Variants in SATB2 observed in about 807,000 individuals in gnomAD.
SATB2 encodes SATB homeobox 2, also known as DNA-binding protein SATB2.
SATB2 carries 1 observed loss-of-function variant against 73.4 expected under a neutral mutation model. The observed-to-expected ratio is 0.01, with a 90% CI of 0.00 to 0.06. The LOEUF is 0.06. Ranked by LOEUF, SATB2 falls within the 10% of genes least tolerant of loss-of-function variation. The pLI is 1.00. For synonymous variants in SATB2, 397 were observed against 367.0 expected, an observed-to-expected ratio of 1.08 and a Z score of -0.93; for missense variants, 459 against 945.8, an observed-to-expected ratio of 0.49 and a Z score of 6.75.
intron 2 of SATB2, among the ~76,000 whole-genome samples, chr2:199,449,284 C>T (rs1256342951): frequency 1.3e-5 from 2 of 152,208 alleles, no homozygotes; most frequent in African/African-American, 4.8e-5. Flanking sequence ...TTTAATTGAG[C>T]AGCAAAGATA....
chr2:199,382,415 G>A (rs1165847150), intron 3 of SATB2, among the ~76,000 whole-genome samples: 2 of 152,156 alleles, frequency 1.3e-5, no homozygotes, highest in South Asian at 4.1e-4. Flanking sequence ...AAATAGCAAA[G>A]ATGCCCTCAA....
At chr2:199,440,254 T>G (rs1446846162) in intron 2 of SATB2, among the ~76,000 whole-genome samples, 1 of 152,206 alleles carries the variant, frequency 6.6e-6, no homozygotes, top group Non-Finnish European at 1.5e-5. Flanking sequence ...TAATCTCCTC[T>G]TTGTGGCCCT....
chr2:199,356,240 A>AG, intron 6 of SATB2, among the ~76,000 whole-genome samples: 1 of 151,244 alleles, frequency 6.6e-6, no homozygotes, highest in East Asian at 1.9e-4. Context: ...AAAAAAAAAA[A>AG]AAAAAAAGAA....
chr2:199,352,206 A>G (rs2105827857), intron 6 of SATB2, among the ~76,000 whole-genome samples: 1 of 152,304 alleles, frequency 6.6e-6, no homozygotes, highest in South Asian at 2.1e-4. Flanking sequence ...AAAACATAGA[A>G]CCATCCTCCT....
intron 10 of SATB2, among the ~76,000 whole-genome samples, chr2:199,297,993 T>C (rs1328845881): frequency 3.9e-5 from 6 of 152,126 alleles, no homozygotes; most frequent in Non-Finnish European, 7.4e-5. Context: ...TCTAAATCTG[T>C]CTTAAAACAA....
intron 6 of SATB2, among the ~76,000 whole-genome samples, chr2:199,357,586 G>A (rs1689023333): frequency 6.6e-6 from 1 of 152,012 alleles, no homozygotes; most frequent in Non-Finnish European, 1.5e-5. Flanking sequence ...GATTTAAAGT[G>A]CATTTCTATT....
At chr2:199,454,553 G>A (rs1692219510) in intron 2 of SATB2, among the ~76,000 whole-genome samples, 1 of 152,008 alleles carries the variant, frequency 6.6e-6, no homozygotes, top group African/African-American at 2.4e-5. Context: ...CTTCAATAAA[G>A]TATATTTTCA....
rs1257511934 is a variant in SATB2, at chr2:199,412,731, A to C, written c.346+20607T>G. ...GAGAAGGAAATCAGGTAAAAAAAAA[A>C]CAAAAAACAAAAAACAAACAAACAA... On this transcript the variant is annotated intron_variant, in intron 3 of 10. Coordinates refer to ENST00000417098, the MANE Select transcript of SATB2 (RefSeq NM_001172509.2). Among the ~76,000 whole-genome samples, 4 of 151,362 alleles carry C rather than the reference A, an allele frequency of 2.6e-5. No individual in the cohort carries two copies. The East Asian group carries it at 5.8e-4, about 22-fold the overall frequency.
intron 3 of SATB2, among the ~76,000 whole-genome samples, chr2:199,401,677 C>A (rs1284199465): frequency 6.6e-6 from 1 of 151,894 alleles, no homozygotes; most frequent in Non-Finnish European, 1.5e-5. Context: ...AAAGAGGGTG[C>A]TAGGCAGAAA....
At chr2:199,292,941 T>C (rs1291657473) in intron 10 of SATB2, among the ~76,000 whole-genome samples, 4 of 152,214 alleles carry the variant, frequency 2.6e-5, no homozygotes, top group South Asian at 4.1e-4. Flanking sequence ...GCAGTACATC[T>C]AGATGATGGT....
chr2:199,282,045 C>T (rs1692519724), intron 10 of SATB2, among the ~76,000 whole-genome samples: 1 of 152,040 alleles, frequency 6.6e-6, no homozygotes, highest in Non-Finnish European at 1.5e-5. Flanking sequence ...CCACACCCAG[C>T]TAATTTTTTG....
chr2:199,363,291 G>A (rs1689190859), intron 6 of SATB2, among the ~76,000 whole-genome samples: 2 of 152,314 alleles, frequency 1.3e-5, no homozygotes, highest in South Asian at 4.1e-4. Context: ...TGAGATAAAA[G>A]GTGGCTGACA....
intron 6 of SATB2, among the ~76,000 whole-genome samples, chr2:199,352,657 C>T (rs1688853570): frequency 6.6e-6 from 1 of 152,148 alleles, no homozygotes; most frequent in Non-Finnish European, 1.5e-5. Flanking sequence ...CCTACCTGTT[C>T]AGGTAGATAA....
chr2:199,404,600 G>A (rs1014039048), intron 3 of SATB2, among the ~76,000 whole-genome samples: 1 of 152,014 alleles, frequency 6.6e-6, no homozygotes, highest in African/African-American at 2.4e-5. Flanking sequence ...TGAACCCTAT[G>A]AGTATTGCTT....
At chr2:199,344,248 C>A (rs991181155) in intron 7 of SATB2, among the ~76,000 whole-genome samples, 1 of 152,076 alleles carries the variant, frequency 6.6e-6, no homozygotes, top group African/African-American at 2.4e-5. Flanking sequence ...AACGAACACA[C>A]ACACACAACA....
At chr2:199,384,307 G>A (rs1689865053) in intron 3 of SATB2, among the ~76,000 whole-genome samples, 1 of 152,210 alleles carries the variant, frequency 6.6e-6, no homozygotes, top group Non-Finnish European at 1.5e-5. Flanking sequence ...GGAAGTGTGT[G>A]CTTTTCCTTT....
At chr2:199,394,656 C>T (rs1201698826) in intron 3 of SATB2, among the ~76,000 whole-genome samples, 1 of 152,010 alleles carries the variant, frequency 6.6e-6, no homozygotes, top group Non-Finnish European at 1.5e-5. Flanking sequence ...AAATAAAAAG[C>T]CAGGCGTGGT....
chr2:199,334,023 G>C (rs923188763), intron 7 of SATB2, among the ~76,000 whole-genome samples: 1 of 152,060 alleles, frequency 6.6e-6, no homozygotes, highest in Non-Finnish European at 1.5e-5. Context: ...AACTTGCAAT[G>C]CTCATCTATT....
rs1026347819 is a variant in SATB2, at chr2:199,317,956, G to T, written c.1542+5847C>A. On this transcript the variant is annotated intron_variant, in intron 9 of 10. Coordinates refer to ENST00000417098, the MANE Select transcript of SATB2 (RefSeq NM_001172509.2). ...ACATATATTAAACTTTTTTGAATTT[G>T]AATTTGGAACACCACCCCTAAATTT... Among the ~76,000 whole-genome samples the T allele has an allele frequency of 7.9e-5, 12 of 151,888 alleles. 1 individual carries two copies. The highest frequency in any genetic ancestry group is 2.9e-4 in the African/African-American group (12 of 41,290).
Sources: gnomAD v4.1 joint callset for allele counts (sites outside exome capture counted in the v4.1 genomes callset) on GRCh38, gnomAD v4.1.1 for gene constraint, MANE v1.5 for transcripts, NCBI Gene and HGNC (gene_info 2026-07-23, HGNC 2026-07-21) for gene names.